PPP1R2: variants seen among roughly 807,000 people sequenced by gnomAD.
PPP1R2 encodes protein phosphatase 1 regulatory inhibitor subunit 2.
In PPP1R2, 16 loss-of-function variants were observed where a neutral mutation model predicts 29.9. The ratio of observed to expected loss-of-function variants is 0.53; its 90% CI spans 0.36 to 0.81. The LOEUF (loss-of-function observed/expected upper bound fraction) is 0.81, where lower values mean the gene tolerates loss of function less well. Among genes scored for constraint, PPP1R2 ranks in the 30% least tolerant of loss-of-function variants. PPP1R2 has a pLI of 0.00. For synonymous variants in PPP1R2, 76 were observed against 91.5 expected (o/e 0.83, Z 0.96); for missense variants, 197 against 252.7 (o/e 0.78, Z 1.49).
At chr3:195,537,480 A>G (rs1560444726) in intron 1 of PPP1R2, among the ~76,000 whole-genome samples, 3 of 29,408 alleles carry the variant, frequency 1.0e-4, no homozygotes, top group African/African-American at 4.4e-4. Flanking sequence ...AGGATTAGCT[A>G]TTGTGTGTGT....
At position 195,519,442 on chromosome 3, in the gene PPP1R2, G is replaced by A. The variant is rs1398206793; in HGVS notation, c.404-257C>T. 4 of 353,878 alleles carry A rather than the reference G, an allele frequency of 1.1e-5. No homozygotes were observed. The Admixed American group carries it at 1.9e-4, about 17-fold the overall frequency. The allele number at this position is 353,878 out of a possible 1,614,324, so 21.9% of individuals were successfully genotyped here. On this transcript the variant is annotated intron_variant, in intron 4 of 5. Transcript: ENST00000618156. ...TCCAGCCATTAGAAATTATATTTGT[G>A]AAGAAAGATTAAAGCTATGGGAAAA... is the stretch of plus-strand genomic sequence containing the variant.
Position 195,516,787 on chromosome 3 carries a change from T to G in PPP1R2, c.*109A>C. 7.1e-6 allele frequency: 6 copies of G among 849,708 alleles called. No homozygotes were observed. The highest frequency in any genetic ancestry group is 7.7e-6 in the Non-Finnish European group (4 of 519,854). The allele number at this position is 849,708 out of a possible 1,614,324, so 52.6% of individuals were successfully genotyped here. On this transcript the variant is annotated 3_prime_UTR_variant, in exon 6 of 6. Transcript: ENST00000618156. ...TTAATTCTTGGCAATATATAATAACTGGTATGCATTTTGGTACTTAAGTCA... is the reference window on the plus strand; with the variant it reads ...TTAATTCTTGGCAATATATAATAACGGGTATGCATTTTGGTACTTAAGTCA...
chr3:195,536,788 CAAAAA>C (rs10717955), intron 1 of PPP1R2, among the ~76,000 whole-genome samples: 1 of 72,502 alleles, frequency 1.4e-5, no homozygotes, highest in Non-Finnish European at 2.8e-5. Context: ...AACTCCGTCT[CAAAAA>C]AAAAAAAAAA....
At chr3:195,542,079 A>G (rs1021000332) in intron 1 of PPP1R2, among the ~76,000 whole-genome samples, 1 of 152,210 alleles carries the variant, frequency 6.6e-6, no homozygotes, top group Non-Finnish European at 1.5e-5. Context: ...TGCAACGCCC[A>G]AGCCCCCGTG....
At chr3:195,537,409 A>AT (rs908018083) in intron 1 of PPP1R2, among the ~76,000 whole-genome samples, 28 of 151,082 alleles carry the variant, frequency 1.9e-4, no homozygotes, top group African/African-American at 6.1e-4. Flanking sequence ...TGCCATACAG[A>AT]TTTTTTTTTA....
chr3:195,517,573 A>G (rs1406186184), intron 5 of PPP1R2, among the ~76,000 whole-genome samples: 1 of 152,216 alleles, frequency 6.6e-6, no homozygotes, highest in East Asian at 1.9e-4. Flanking sequence ...CAAAATTTTA[A>G]TCCTCCATTA....
chr3:195,517,149 TAAAAC>T (rs906089701), intron 5 of PPP1R2, among the ~76,000 whole-genome samples: 5 of 152,150 alleles, frequency 3.3e-5, no homozygotes, highest in Non-Finnish European at 5.9e-5. Context: ...TACTTGCTGA[TAAAAC>T]AAACAGGTTT....
intron 3 of PPP1R2, among the ~76,000 whole-genome samples, chr3:195,524,095 A>AT (rs1718872788): frequency 6.6e-6 from 1 of 152,104 alleles, no homozygotes; most frequent in Non-Finnish European, 1.5e-5. Context: ...CTCAAAAAAA[A>AT]AAAAAGAATA....
chr3:195,527,151 T>A (rs1719001426), intron 2 of PPP1R2, among the ~76,000 whole-genome samples: 2 of 151,910 alleles, frequency 1.3e-5, no homozygotes, highest in South Asian at 4.2e-4. Context: ...CTTGAACTCC[T>A]GGGCAAGAGT....
At chr3:195,541,073 A>C (rs764957905) in intron 1 of PPP1R2, among the ~76,000 whole-genome samples, 4 of 152,242 alleles carry the variant, frequency 2.6e-5, no homozygotes, top group Non-Finnish European at 5.9e-5. Flanking sequence ...TCGACAGGTC[A>C]GTCCCTTTTA....
chr3:195,525,770 AAGC>A (rs1201697991), intron 2 of PPP1R2, among the ~76,000 whole-genome samples: 1 of 152,180 alleles, frequency 6.6e-6, no homozygotes, highest in African/African-American at 2.4e-5. Flanking sequence ...AAAGTATATA[AAGC>A]AGAACTCAGC....
intron 4 of PPP1R2, among the ~76,000 whole-genome samples, chr3:195,522,131 G>A (rs1718784685): frequency 6.6e-6 from 1 of 152,190 alleles, no homozygotes; most frequent in Non-Finnish European, 1.5e-5. Flanking sequence ...AGTGATAAGT[G>A]CTTTAAATGC....
intron 5 of PPP1R2, among the ~76,000 whole-genome samples, chr3:195,518,667 T>C (rs1387663651): frequency 6.7e-6 from 1 of 150,250 alleles, no homozygotes; most frequent in Non-Finnish European, 1.5e-5. Context: ...AAAAAAAAAG[T>C]TTCATTTAAA....
chr3:195,528,387 T>A (rs1433509896), intron 2 of PPP1R2, among the ~76,000 whole-genome samples: 1 of 152,212 alleles, frequency 6.6e-6, no homozygotes, highest in Non-Finnish European at 1.5e-5. Context: ...TCAAATTTCA[T>A]CAGTATTGAG....
rs1241425727 is a variant in PPP1R2, at chr3:195,515,588, ATTCTTAC to A, written c.*1301_*1307del. Reference sequence around the variant, plus strand: ...TGGTTGAAGGAAAAAATTCCACCTAATTCTTACTGCGTTAGAAGAATAAAGCACGTTT... The same window carrying A: ...TGGTTGAAGGAAAAAATTCCACCTAATGCGTTAGAAGAATAAAGCACGTTT... On this transcript the variant is annotated 3_prime_UTR_variant, in exon 6 of 6. Transcript: ENST00000618156. 6.6e-6 allele frequency: 1 copy of A among 152,414 alleles called. No individual in the cohort carries two copies. The highest frequency in any genetic ancestry group is 2.4e-5 in the African/African-American group (1 of 41,444). 9.4% of individuals were successfully genotyped at this position (152,414 alleles called of 1,614,324 possible).
intron 4 of PPP1R2, among the ~76,000 whole-genome samples, chr3:195,521,186 A>G (rs62287557): frequency 0.81 from 122,509 of 151,188 alleles, 49,937 homozygotes; most frequent in East Asian, 0.99. Flanking sequence ...GTGGTGGCAC[A>G]CGTCTGTAAT....
At chr3:195,542,820 G>GCCGC (rs1719645977) in intron 1 of PPP1R2, 84 bp downstream of exon 1, 3 of 1,427,412 alleles carry the variant, frequency 2.1e-6, no homozygotes, top group African/African-American at 1.5e-5. Flanking sequence ...CCGCATCCAC[G>GCCGC]CCGCCCGCCC....
At chr3:195,538,272 C>T (rs1380091942) in intron 1 of PPP1R2, among the ~76,000 whole-genome samples, 1 of 152,230 alleles carries the variant, frequency 6.6e-6, no homozygotes, top group African/African-American at 2.4e-5. Context: ...CCTACTGGAA[C>T]TTCTTGTTGC....
At position 195,516,729 on chromosome 3, in the gene PPP1R2, AT is replaced by A; in HGVS notation, c.*166del. On this transcript the variant is annotated 3_prime_UTR_variant, in exon 6 of 6. Transcript: ENST00000618156. The stretch of plus-strand genomic sequence containing the variant: ...ACAAGAATATATATATCGATTAGGC[AT>A]TTTCAGTCTAATCAGTCTCTAAGTT... The A allele has an allele frequency of 3.3e-6, 2 of 608,370 alleles. No individual in the cohort carries two copies. The highest frequency in any genetic ancestry group is 5.8e-6 in the Non-Finnish European group (2 of 345,868). 37.7% of individuals were successfully genotyped at this position (608,370 alleles called of 1,614,324 possible). A position where few individuals can be genotyped will look rare whatever the true frequency, so the allele number is the denominator to read the frequency against.
Sources: allele counts gnomAD v4.1 joint callset (sites outside exome capture counted in the v4.1 genomes callset), GRCh38; gene constraint gnomAD v4.1.1; transcripts MANE v1.5; gene names NCBI Gene and HGNC (gene_info 2026-07-23, HGNC 2026-07-21).